HDAC9: variants seen among roughly 807,000 people sequenced by gnomAD.
The protein encoded by HDAC9 is histone deacetylase 9, also known as MEF-2 interacting transcription repressor (MITR) protein.
HDAC9 carries 41 observed loss-of-function variants against 139.4 expected under a neutral mutation model. The ratio of observed to expected loss-of-function variants is 0.29; its 90% confidence interval spans 0.23 to 0.38. HDAC9 has a LOEUF of 0.38. Ranked by LOEUF, HDAC9 falls within the 10% of genes least tolerant of loss-of-function variation. The pLI, the probability that HDAC9 is intolerant of heterozygous loss-of-function variation, is 1.00. For missense variants in HDAC9, 1,147 were observed against 1,297.0 expected (o/e 0.88, Z 1.78); for synonymous variants, 517 against 476.2 (o/e 1.09, Z -1.12).
intron 2 of HDAC9, among the ~76,000 whole-genome samples, chr7:18,583,651 G>C (rs1405143789): frequency 6.6e-6 from 1 of 152,062 alleles, no homozygotes; most frequent in African/African-American, 2.4e-5. Context: ...ATACTTGGGA[G>C]GCTGAGGCAG....
intron 22 of HDAC9, among the ~76,000 whole-genome samples, chr7:18,916,359 C>G (rs1239084174): frequency 6.6e-6 from 1 of 151,992 alleles, no homozygotes; most frequent in Non-Finnish European, 1.5e-5. Flanking sequence ...GCAATAATTT[C>G]TTAGTTTTAC....
At chr7:18,148,528 C>G (rs1310916601) in intron 1 of HDAC9, among the ~76,000 whole-genome samples, 2 of 152,160 alleles carry the variant, frequency 1.3e-5, no homozygotes, top group African/African-American at 4.8e-5. Context: ...GTGATCTTGG[C>G]TAACTGCAAC....
At chr7:18,827,506 A>C (rs1795542633) in intron 17 of HDAC9, among the ~76,000 whole-genome samples, 1 of 152,192 alleles carries the variant, frequency 6.6e-6, no homozygotes, top group Non-Finnish European at 1.5e-5. Flanking sequence ...CATTGTCAGC[A>C]TAGAACATTT....
chr7:18,334,979 C>T (rs146978568), intron 1 of HDAC9, among the ~76,000 whole-genome samples: 26 of 151,608 alleles, frequency 1.7e-4, no homozygotes, highest in African/African-American at 6.0e-4. Context: ...ACTTAGGAGA[C>T]AACTTTTCTT....
At chr7:18,223,804 TTAGAG>T (rs898722309) in intron 2 of HDAC9, among the ~76,000 whole-genome samples, 2 of 152,162 alleles carry the variant, frequency 1.3e-5, no homozygotes, top group African/African-American at 4.8e-5. Flanking sequence ...TATTCTGATT[TTAGAG>T]TAATTTTTAT....
At chr7:18,206,935 T>C (rs1002472879) in intron 2 of HDAC9, among the ~76,000 whole-genome samples, 2 of 150,970 alleles carry the variant, frequency 1.3e-5, no homozygotes, top group African/African-American at 4.9e-5. Context: ...CTTTTCTTTT[T>C]TTTTTTTTTT....
At chr7:18,146,208 G>C (rs1390484013) in intron 1 of HDAC9, among the ~76,000 whole-genome samples, 1 of 152,118 alleles carries the variant, frequency 6.6e-6, no homozygotes, top group Non-Finnish European at 1.5e-5. Context: ...CTTAATGTCT[G>C]GCTGAGCTAT....
chr7:18,775,276 C>T (rs936308519), intron 16 of HDAC9, among the ~76,000 whole-genome samples: 1 of 151,990 alleles, frequency 6.6e-6, no homozygotes, highest in African/African-American at 2.4e-5. Context: ...GACACAGAGA[C>T]AGGAAGTGAG....
chr7:18,385,238 A>C (rs1345651957), intron 1 of HDAC9, among the ~76,000 whole-genome samples: 1 of 152,206 alleles, frequency 6.6e-6, no homozygotes, highest in Non-Finnish European at 1.5e-5. Context: ...TCCAGATAAG[A>C]AATAAGCACT....
intron 22 of HDAC9, among the ~76,000 whole-genome samples, chr7:18,874,933 A>G (rs1243905683): frequency 6.6e-6 from 1 of 152,194 alleles, no homozygotes; most frequent in East Asian, 1.9e-4. Context: ...TAGAAAAGCT[A>G]CTGTGCTTTT....
At chr7:18,719,175 C>A (rs149679006) in intron 12 of HDAC9, among the ~76,000 whole-genome samples, 3 of 152,138 alleles carry the variant, frequency 2.0e-5, no homozygotes, top group African/African-American at 7.2e-5. Flanking sequence ...TTTAAGGATT[C>A]TTTCCATATT....
At chr7:18,400,198 T>C (rs531625326) in intron 1 of HDAC9, among the ~76,000 whole-genome samples, 12 of 152,302 alleles carry the variant, frequency 7.9e-5, no homozygotes, top group African/African-American at 2.9e-4. Context: ...GAAAAATAAT[T>C]ATAAGGACTT....
At chr7:18,848,766 A>T (rs1385020443) in intron 21 of HDAC9, among the ~76,000 whole-genome samples, 1 of 152,124 alleles carries the variant, frequency 6.6e-6, no homozygotes, top group Non-Finnish European at 1.5e-5. Flanking sequence ...TAAATTACCA[A>T]AAAAAGTATC....
At chr7:18,919,388 C>T (rs1803489737) in intron 22 of HDAC9, among the ~76,000 whole-genome samples, 1 of 151,962 alleles carries the variant, frequency 6.6e-6, no homozygotes, top group Admixed American at 6.6e-5. Context: ...GGACACAAGT[C>T]CACTTAAGCA....
intron 2 of HDAC9, among the ~76,000 whole-genome samples, chr7:18,196,722 C>A (rs779479807): frequency 2.6e-5 from 4 of 152,088 alleles, no homozygotes; most frequent in Non-Finnish European, 5.9e-5. Context: ...GTGTCCACAG[C>A]GTACGCAGTG....
chr7:18,159,739 A>G (rs1209622582), intron 1 of HDAC9, among the ~76,000 whole-genome samples: 2 of 152,182 alleles, frequency 1.3e-5, no homozygotes, highest in Non-Finnish European at 2.9e-5. Flanking sequence ...GGAAATGGAA[A>G]TGCAATAAAT....
chr7:18,535,903 G>T (rs1317210101), intron 2 of HDAC9, among the ~76,000 whole-genome samples: 1 of 152,084 alleles, frequency 6.6e-6, no homozygotes, highest in Admixed American at 6.6e-5. Context: ...GGAAGAGAGG[G>T]GAACCAGATG....
At chr7:18,413,086 T>G (rs1788725117) in intron 1 of HDAC9, among the ~76,000 whole-genome samples, 1 of 152,196 alleles carries the variant, frequency 6.6e-6, no homozygotes, top group Admixed American at 6.5e-5. Flanking sequence ...AAATTTCATT[T>G]AAAGGCATTC....
At chr7:18,339,249 C>G (rs1345519497) in intron 1 of HDAC9, among the ~76,000 whole-genome samples, 1 of 151,022 alleles carries the variant, frequency 6.6e-6, no homozygotes, top group African/African-American at 2.4e-5. Flanking sequence ...TGTTTTTCTA[C>G]TTTCTATTTT....
Sources: gnomAD v4.1 joint callset for allele counts (sites outside exome capture counted in the v4.1 genomes callset) on GRCh38, gnomAD v4.1.1 for gene constraint, MANE v1.5 for transcripts, NCBI Gene and HGNC (gene_info 2026-07-23, HGNC 2026-07-21) for gene names.